Variants in CD46 observed in about 807,000 individuals in gnomAD.
The protein encoded by CD46 is CD46 molecule, also known as membrane cofactor protein.
A neutral mutation model predicts 53.3 loss-of-function variants in CD46; 30 were observed. That is an observed-to-expected ratio of 0.56 (90% CI 0.42 to 0.76). The LOEUF is 0.76. Ranked by LOEUF, CD46 falls within the 30% of genes least tolerant of loss-of-function variation. The pLI, the probability that CD46 is intolerant of heterozygous loss-of-function variation, is 0.00. For synonymous variants in CD46, 142 were observed against 152.0 expected, an observed-to-expected ratio of 0.93 and a Z score of 0.48; for missense variants, 409 against 463.0, an observed-to-expected ratio of 0.88 and a Z score of 1.07.
At chr1:207,793,423 T>G in intron 12 of CD46, 96 bp from the exon 13 acceptor site, 1 of 920,592 alleles carries the variant, frequency 1.1e-6, no homozygotes, top group Admixed American at 2.0e-5. Context: ...TTACTATATT[T>G]TTTTAATTGT....
intron 11 of CD46, among the ~76,000 whole-genome samples, chr1:207,788,371 A>T (rs1205394881): frequency 2.6e-5 from 4 of 151,240 alleles, no homozygotes; most frequent in Admixed American, 2.6e-4. Context: ...AAAAAAAAAA[A>T]AAAAAAAATA....
chr1:207,792,584 T>G (rs998363795), intron 12 of CD46, among the ~76,000 whole-genome samples: 6 of 152,218 alleles, frequency 3.9e-5, no homozygotes, highest in African/African-American at 1.4e-4. Context: ...AAATGGGTTA[T>G]TAAAGTATCC....
At chr1:207,788,597 C>G (rs1038759581) in intron 11 of CD46, among the ~76,000 whole-genome samples, 142 of 152,260 alleles carry the variant, frequency 9.3e-4, no homozygotes, top group African/African-American at 3.1e-3. Context: ...CTTGTCCCCC[C>G]AGATTGGCTG....
chr1:207,767,821 C>G lies in CD46; in HGVS notation c.899C>G (p.Ser300Ter). Residue 300 changes from serine (S) to a stop codon, truncating the protein, a stop_gained and splice_region_variant, in exon 7 of 13, where the codon TCA becomes TGA. Transcript: ENST00000367042. LOFTEE classifies it high-confidence loss of function. ...STTKSPASSA[S>*]GPRPTYKPPV... Reference sequence around the variant, plus strand: ...ACAAAATCTCCAGCGTCCAGTGCCTCAGGTTTAGTAATTTCCTGCTTATAG... The same window carrying G: ...ACAAAATCTCCAGCGTCCAGTGCCTGAGGTTTAGTAATTTCCTGCTTATAG... 3 of 1,607,170 alleles carry G rather than the reference C, an allele frequency of 1.9e-6. No homozygotes were observed. Among genetic ancestry groups the G allele is most frequent in the East Asian group, 4.5e-5 (2 of 44,790 alleles).
intron 5 of CD46, among the ~76,000 whole-genome samples, chr1:207,763,498 C>T (rs562520860): frequency 5.3e-5 from 8 of 152,358 alleles, no homozygotes; most frequent in Middle Eastern, 6.8e-3. Context: ...GACATCCCCA[C>T]AGCCCTGCGC....
intron 11 of CD46, among the ~76,000 whole-genome samples, chr1:207,787,036 A>G (rs1184214269): frequency 6.6e-6 from 1 of 152,154 alleles, no homozygotes; most frequent in African/African-American, 2.4e-5. Flanking sequence ...GTATTAATCA[A>G]ACTCTCTCTA....
Position 207,795,415 on chromosome 1 carries a change from A to T in CD46, c.*1938A>T, listed in dbSNP as rs545146545. On this transcript the variant is annotated 3_prime_UTR_variant, in exon 13 of 13. Transcript: ENST00000367042. Reference sequence around the variant, plus strand: ...GCTGCAAAAATGTATTTGCTATAAAATGAGAAGTCTCACTGATAGAGGTTC... The same window carrying T: ...GCTGCAAAAATGTATTTGCTATAAATTGAGAAGTCTCACTGATAGAGGTTC... The T allele has an allele frequency of 6.6e-5, 10 of 152,384 alleles. No individual in the cohort carries two copies. In the South Asian group the frequency reaches 2.1e-3, roughly 32 times the overall value. 9.4% of individuals were successfully genotyped at this position (152,384 alleles called of 1,614,324 possible).
At chr1:207,758,470 T>C (rs1475627020) in intron 3 of CD46, among the ~76,000 whole-genome samples, 1 of 152,168 alleles carries the variant, frequency 6.6e-6, no homozygotes, top group African/African-American at 2.4e-5. Flanking sequence ...AACAACGTGC[T>C]CTTATGGTAA....
chr1:207,787,371 C>T (rs548436909), intron 11 of CD46, among the ~76,000 whole-genome samples: 3 of 151,990 alleles, frequency 2.0e-5, no homozygotes, highest in Non-Finnish European at 4.4e-5. Flanking sequence ...CGCGCCCGGC[C>T]TTAATGGGTC....
At position 207,767,203 on chromosome 1, in the gene CD46, G is replaced by A. The variant is rs776597190; in HGVS notation, c.856+8G>A. 1.4e-5 allele frequency: 22 copies of A among 1,609,096 alleles called. No homozygotes were observed. Among genetic ancestry groups the A allele is most frequent in the African/African-American group, 2.7e-5 (2 of 74,778 alleles). ...TTCCAAAGTGTCTTAAAGGTACAAA[G>A]GTTATCTTTTTTCTGTCTTGGTTTG... On this transcript the variant is annotated splice_region_variant and intron_variant, in intron 6 of 12. Coordinates refer to ENST00000367042, the MANE Select transcript of CD46 (RefSeq NM_172351.3).
intron 1 of CD46, among the ~76,000 whole-genome samples, chr1:207,753,774 G>A (rs1375626270): frequency 1.3e-5 from 2 of 152,070 alleles, no homozygotes; most frequent in African/African-American, 4.8e-5. Flanking sequence ...TGGCATATTT[G>A]TTTCTGCCTT....
chr1:207,772,538 G>A (rs957076694), intron 8 of CD46, among the ~76,000 whole-genome samples: 1 of 152,114 alleles, frequency 6.6e-6, no homozygotes, highest in African/African-American at 2.4e-5. Context: ...CTGTGGGTTT[G>A]TCTTAAATAG....
At chr1:207,782,497 C>T (rs1038624229) in intron 8 of CD46, among the ~76,000 whole-genome samples, 1 of 152,028 alleles carries the variant, frequency 6.6e-6, no homozygotes, top group African/African-American at 2.4e-5. Context: ...CTGTCTTGTT[C>T]CTGATCTTAG....
chr1:207,765,154 A>C (rs1656701983), intron 5 of CD46, among the ~76,000 whole-genome samples: 3 of 152,234 alleles, frequency 2.0e-5, no homozygotes, highest in Admixed American at 2.0e-4. Context: ...AAAATTAATC[A>C]GTGTAATTTG....
At position 207,759,734 on chromosome 1, in the gene CD46, T is replaced by A; in HGVS notation, c.475+10T>A. 6.4e-7 allele frequency: 1 copy of A among 1,561,848 alleles called. No individual in the cohort carries two copies. The highest frequency in any genetic ancestry group is 1.1e-5 in the South Asian group (1 of 89,478). ...CCCCCAATATGTGAAAGTAAGTAAATTCTTTTTTTTTAAATTTAGACCAGT... is the reference window on the plus strand; with the variant it reads ...CCCCCAATATGTGAAAGTAAGTAAAATCTTTTTTTTTAAATTTAGACCAGT... On this transcript the variant is annotated intron_variant, in intron 4 of 12. Transcript: ENST00000367042.
At chr1:207,767,685 T>G in intron 6 of CD46, 94 bp from the exon 7 acceptor site, 1 of 1,601,822 alleles carries the variant, frequency 6.2e-7, no homozygotes, top group Non-Finnish European at 8.6e-7. Flanking sequence ...GTCTTCTTCC[T>G]TATATGTTAC....
intron 8 of CD46, among the ~76,000 whole-genome samples, chr1:207,780,748 C>T (rs1658656704): frequency 6.6e-6 from 1 of 152,022 alleles, no homozygotes; most frequent in East Asian, 1.9e-4. Flanking sequence ...TTAGTAATAG[C>T]CAAGTGTCTT....
At chr1:207,779,177 C>A (rs565096412) in intron 8 of CD46, among the ~76,000 whole-genome samples, 1 of 152,132 alleles carries the variant, frequency 6.6e-6, no homozygotes, top group East Asian at 1.9e-4. Context: ...TCTGGAGCAG[C>A]TTTTAGGCCA....
At chr1:207,755,190 TAATG>T (rs554417125) in intron 1 of CD46, among the ~76,000 whole-genome samples, 1 of 151,968 alleles carries the variant, frequency 6.6e-6, no homozygotes, top group African/African-American at 2.4e-5. Flanking sequence ...CTGAAGAAGA[TAATG>T]AAAGCGATTT....
Sources: gnomAD v4.1 joint callset for allele counts (sites outside exome capture counted in the v4.1 genomes callset) on GRCh38, gnomAD v4.1.1 for gene constraint, MANE v1.5 for transcripts, NCBI Gene and HGNC (gene_info 2026-07-23, HGNC 2026-07-21) for gene names.